NEBL: variants seen among roughly 807,000 people sequenced by gnomAD.
NEBL encodes LIM and SH3 protein 2.
Under a neutral mutation model 140.2 loss-of-function variants are expected in NEBL, and 122 were observed. That is an observed-to-expected ratio of 0.87 (90% CI 0.75 to 1.01). The LOEUF (loss-of-function observed/expected upper bound fraction) is 1.01. NEBL is among the 50% of genes least tolerant of loss of function. The pLI, the probability that NEBL is intolerant of heterozygous loss-of-function variation, is 0.00. For missense variants in NEBL, 1,365 were observed against 1,231.3 expected, an observed-to-expected ratio of 1.11 and a Z score of -1.62; for synonymous variants, 436 against 398.9, an observed-to-expected ratio of 1.09 and a Z score of -1.11.
intron 1 of NEBL, among the ~76,000 whole-genome samples, chr10:21,259,448 TA>T (rs1842708619): frequency 6.6e-6 from 1 of 152,116 alleles, no homozygotes; most frequent in Non-Finnish European, 1.5e-5. Flanking sequence ...CCTTACTTCC[TA>T]GGGTTTGGGA....
intron 2 of NEBL, among the ~76,000 whole-genome samples, chr10:21,038,366 G>A (rs2165287): frequency 0.6 from 91,001 of 151,124 alleles, 27,434 homozygotes; most frequent in East Asian, 0.72. Context: ...CCCCTTTACT[G>A]CCAGCCCCTG....
chr10:21,200,537 C>G (rs927821935), intron 3 of NEBL, among the ~76,000 whole-genome samples: 3 of 152,112 alleles, frequency 2.0e-5, no homozygotes, highest in African/African-American at 7.2e-5. Flanking sequence ...TGGTCTCGAA[C>G]TCCTTACCTC....
At chr10:21,054,536 A>G (rs1299625694) in intron 2 of NEBL, among the ~76,000 whole-genome samples, 1 of 152,208 alleles carries the variant, frequency 6.6e-6, no homozygotes, top group African/African-American at 2.4e-5. Flanking sequence ...CTCAAGAACA[A>G]GCTTTTTCTG....
intron 2 of NEBL, among the ~76,000 whole-genome samples, chr10:21,165,382 C>T (rs1840718334): frequency 6.6e-6 from 1 of 152,170 alleles, no homozygotes; most frequent in Admixed American, 6.5e-5. Flanking sequence ...GGAATTCAGG[C>T]TTAATGAACC....
At chr10:20,824,882 C>T (rs531499414) in intron 18 of NEBL, among the ~76,000 whole-genome samples, 24 of 152,216 alleles carry the variant, frequency 1.6e-4, no homozygotes, top group East Asian at 7.7e-4. Context: ...CACAGTACAT[C>T]GATGGGTGCA....
intron 26 of NEBL, among the ~76,000 whole-genome samples, chr10:20,788,156 G>A (rs934455887): frequency 6.6e-6 from 1 of 152,124 alleles, no homozygotes; most frequent in Non-Finnish European, 1.5e-5. Flanking sequence ...GCAGACATAT[G>A]CTTGTGTGTT....
intron 3 of NEBL, among the ~76,000 whole-genome samples, chr10:21,013,050 T>A (rs1468343883): frequency 2.0e-5 from 3 of 152,132 alleles, no homozygotes; most frequent in Admixed American, 2.0e-4. Context: ...CATTTTTGTC[T>A]CTTACATCAT....
chr10:21,035,399 A>AT (rs1833973743), intron 2 of NEBL, among the ~76,000 whole-genome samples: 1 of 151,914 alleles, frequency 6.6e-6, no homozygotes, highest in African/African-American at 2.4e-5. Flanking sequence ...ATTGTGTACA[A>AT]CCTTGTCAAC....
intron 3 of NEBL, among the ~76,000 whole-genome samples, chr10:21,240,003 G>A (rs748762234): frequency 3.3e-5 from 5 of 150,104 alleles, no homozygotes; most frequent in Admixed American, 1.3e-4. Flanking sequence ...GTGACAGAGC[G>A]AGACTCTGCC....
chr10:21,285,992 C>T (rs1843049877), intron 1 of NEBL, among the ~76,000 whole-genome samples: 1 of 152,212 alleles, frequency 6.6e-6, no homozygotes, highest in Non-Finnish European at 1.5e-5. Context: ...CCATGCGGGG[C>T]TCAGACCTTC....
intron 7 of NEBL, 21 bp from the exon 8 acceptor site, chr10:20,859,847 T>A: frequency 8.9e-7 from 1 of 1,121,340 alleles, no homozygotes; most frequent in Non-Finnish European, 1.3e-6. Context: ...AGAGAAATAG[T>A]ACATGTAACT....
intron 2 of NEBL, among the ~76,000 whole-genome samples, chr10:21,074,795 TTTGTTGTTG>T (rs71747504): frequency 2.0e-5 from 3 of 148,758 alleles, no homozygotes; most frequent in Non-Finnish European, 4.4e-5. Context: ...TATATATATT[TTTGTTGTTG>T]TTGTTGTTGT....
At chr10:20,992,040 AT>A (rs1410852533) in intron 3 of NEBL, among the ~76,000 whole-genome samples, 1 of 152,144 alleles carries the variant, frequency 6.6e-6, no homozygotes, top group Non-Finnish European at 1.5e-5. Context: ...GGCTGATTCC[AT>A]GTCTTTGCCA....
At chr10:20,810,268 G>T (rs959704217) in intron 24 of NEBL, among the ~76,000 whole-genome samples, 1 of 152,038 alleles carries the variant, frequency 6.6e-6, no homozygotes, top group Non-Finnish European at 1.5e-5. Context: ...CTCTCCACAG[G>T]CTGAAACAAG....
rs1353889205 is a variant in NEBL, at chr10:21,157,140, G to C, written c.164+15243C>G. ...TTGAAAATATTAGTGAAATCACAAA[G>C]ATATGCATGTCAAAGGAAGAAACAG... On this transcript the variant is annotated intron_variant, in intron 2 of 6. Coordinates refer to the NEBL transcript ENST00000417816. 3.3e-5 allele frequency among the ~76,000 whole-genome samples: 5 copies of C among 152,096 alleles called. No homozygotes were observed. The East Asian group carries it at 9.6e-4, about 29-fold the overall frequency.
chr10:21,119,020 C>T lies in NEBL; in HGVS notation c.164+53363G>A, dbSNP rs1017908390. Among the ~76,000 whole-genome samples, 7 of 152,142 alleles carry T rather than the reference C, an allele frequency of 4.6e-5. No individual in the cohort carries two copies. The East Asian group carries it at 5.8e-4, about 13-fold the overall frequency. On this transcript the variant is annotated intron_variant, in intron 2 of 6. Coordinates refer to the NEBL transcript ENST00000417816. ...ACTTGCAACATGAGAAAGCTAATAT[C>T]ATGGAAACAAAAGAAGAGAGAGACT...
chr10:21,077,231 T>C (rs1236615512), intron 2 of NEBL, among the ~76,000 whole-genome samples: 1 of 151,428 alleles, frequency 6.6e-6, no homozygotes, highest in East Asian at 1.9e-4. Context: ...TCAAAAAAAA[T>C]AAAAAATCAA....
chr10:20,854,710 G>T (rs964450956), intron 9 of NEBL, among the ~76,000 whole-genome samples: 1 of 151,636 alleles, frequency 6.6e-6, no homozygotes, highest in Admixed American at 6.6e-5. Context: ...GGCTATAGGT[G>T]CATGTCACCA....
chr10:21,156,311 G>T (rs1163688886), intron 2 of NEBL, among the ~76,000 whole-genome samples: 1 of 152,198 alleles, frequency 6.6e-6, no homozygotes, highest in Non-Finnish European at 1.5e-5. Flanking sequence ...AATGGACAAA[G>T]AGTTATCAAA....
Sources: allele counts gnomAD v4.1 joint callset (sites outside exome capture counted in the v4.1 genomes callset), GRCh38; gene constraint gnomAD v4.1.1; transcripts MANE v1.5; gene names NCBI Gene and HGNC (gene_info 2026-07-23, HGNC 2026-07-21).